SAP130: variants seen among roughly 807,000 people sequenced by gnomAD.
The protein encoded by SAP130 is Sin3A associated protein 130.
A neutral mutation model predicts 103.2 loss-of-function variants in SAP130; 16 were observed. The observed-to-expected ratio is 0.16, with a 90% CI of 0.10 to 0.24. The LOEUF (loss-of-function observed/expected upper bound fraction) is 0.24. Ranked by LOEUF, SAP130 falls within the 10% of genes least tolerant of loss-of-function variation. SAP130 has a pLI of 1.00. For missense variants in SAP130, 990 were observed against 1,359.7 expected, an observed-to-expected ratio of 0.73 and a Z score of 4.28; for synonymous variants, 477 against 497.0, an observed-to-expected ratio of 0.96 and a Z score of 0.53.
rs1175959535 is a variant in SAP130 at position 128,016,512 on chromosome 2, A to G, written c.384T>C (p.Ile128=). 6.2e-7 allele frequency: 1 copy of G among 1,613,872 alleles called. No individual in the cohort carries two copies. The highest frequency in any genetic ancestry group is 2.2e-5 in the East Asian group (1 of 44,868). The part of the protein sequence containing the change: ...PPKPTMPSRP[I]APAPPSTLSL... ...ACAGGGTAGAAGGTGGAGCAGGAGCAATGGGACGGCTAGGCATGGTGGGCT... is the reference window on the plus strand; with the variant it reads ...ACAGGGTAGAAGGTGGAGCAGGAGCGATGGGACGGCTAGGCATGGTGGGCT... Residue 128 remains isoleucine (I), a synonymous_variant, in exon 4 of 21, where the codon ATT becomes ATC. Coordinates refer to ENST00000643581, the MANE Select transcript of SAP130 (RefSeq NM_001330301.2).
At chr2:127,965,725 G>T (rs190351880) in intron 15 of SAP130, among the ~76,000 whole-genome samples, 1 of 151,954 alleles carries the variant, frequency 6.6e-6, no homozygotes, top group Admixed American at 6.6e-5. Flanking sequence ...GGGAGGTGAA[G>T]ATTACAGTGA....
At chr2:128,002,948 G>T (rs559230403) in intron 7 of SAP130, among the ~76,000 whole-genome samples, 1 of 152,062 alleles carries the variant, frequency 6.6e-6, no homozygotes, top group East Asian at 1.9e-4. Flanking sequence ...GCAACATGGC[G>T]AAATTCCACC....
chr2:127,950,432 A>G (rs773853729), intron 16 of SAP130, 24 bp from the exon 17 acceptor site: 33 of 1,611,880 alleles, frequency 2.0e-5, no homozygotes, highest in South Asian at 1.7e-4. Flanking sequence ...AGGAGCACAC[A>G]TATCTGTAAG....
chr2:127,945,500 G>C lies in SAP130; in HGVS notation c.2857C>G (p.Gln953Glu), dbSNP rs757742232. ...ANQKGVSCRA[Q>E]GWKVHLCAAQ... The stretch of plus-strand genomic sequence containing the variant: ...GCACAGAGGTGGACTTTCCAGCCTT[G>C]AGCACGACAGGATACTCCTTTCTGA... The change falls in exon 19 of 21, where the codon CAA becomes GAA. Residue 953 changes from glutamine to glutamate, a missense_variant. Physicochemically the swap from Gln to Glu is conservative, Grantham distance 29 (BLOSUM62 2). This residue lies in a region of SAP130 where 69 missense variants were observed against 165.7 expected (regional missense o/e 0.42). Transcript: ENST00000643581. 6.2e-7 allele frequency: 1 copy of C among 1,613,454 alleles called. No individual in the cohort carries two copies. The highest frequency in any genetic ancestry group is 8.5e-7 in the Non-Finnish European group (1 of 1,179,432).
rs541456294 is a variant in SAP130 at position 127,982,999 on chromosome 2, A to G, written c.1958+3786T>C. Among the ~76,000 whole-genome samples the G allele has an allele frequency of 2.0e-5, 3 of 152,306 alleles. No individual in the cohort carries two copies. The South Asian group carries it at 6.2e-4, about 32-fold the overall frequency. Reference sequence around the variant, plus strand: ...ACTGAGCTTATGTGCTAAGTGCCCAAACTGGTGGGGAGGGTGGAGGCAGGA... The same window carrying G: ...ACTGAGCTTATGTGCTAAGTGCCCAGACTGGTGGGGAGGGTGGAGGCAGGA... On this transcript the variant is annotated intron_variant, in intron 14 of 20. Coordinates refer to ENST00000643581, the MANE Select transcript of SAP130 (RefSeq NM_001330301.2).
At chr2:128,010,537 A>G in intron 6 of SAP130, 144 bp from the exon 7 acceptor site, 1 of 903,078 alleles carries the variant, frequency 1.1e-6, no homozygotes, top group Non-Finnish European at 1.6e-6. Flanking sequence ...CCAATTAAGG[A>G]ATTCTCTTTT....
chr2:128,021,426 G>A (rs7608406), intron 2 of SAP130, among the ~76,000 whole-genome samples: 4,069 of 139,110 alleles, frequency 0.029, 156 homozygotes, highest in South Asian at 0.16. Flanking sequence ...CAGCCTGGGC[G>A]ACAGAACAAG....
chr2:128,026,518 T>C (rs923949571), intron 1 of SAP130, among the ~76,000 whole-genome samples: 2 of 152,240 alleles, frequency 1.3e-5, no homozygotes, highest in African/African-American at 4.8e-5. Flanking sequence ...GCGGGTACTA[T>C]GACCCTCCAT....
chr2:127,942,450 GATC>G lies in SAP130; in HGVS notation c.2986_2988del (p.Asp996del). The G allele has an allele frequency of 6.2e-7, 1 of 1,613,272 alleles. No individual in the cohort carries two copies. Among genetic ancestry groups the G allele is most frequent in the Non-Finnish European group, 8.5e-7 (1 of 1,179,188 alleles). On this transcript the variant is annotated inframe_deletion, in exon 20 of 21. Transcript: ENST00000643581. The surrounding 1 kb of genome is among the most constrained non-coding windows in gnomAD (Gnocchi z 4.8). ...TGTATCAGTTCGTTTATTCGGTGGAGATCATCATCTGTTGCTGCTTTTTTCTTT... is the reference window on the plus strand; with the variant it reads ...TGTATCAGTTCGTTTATTCGGTGGAGATCATCTGTTGCTGCTTTTTTCTTT...
At chr2:128,007,806 C>A in intron 7 of SAP130, among the ~76,000 whole-genome samples, 1 of 152,184 alleles carries the variant, frequency 6.6e-6, no homozygotes, top group East Asian at 1.9e-4. Flanking sequence ...TCTAGTACCC[C>A]TGGATAGACA....
intron 15 of SAP130, among the ~76,000 whole-genome samples, chr2:127,970,792 A>G (rs1681029434): frequency 6.6e-6 from 1 of 152,106 alleles, no homozygotes; most frequent in Non-Finnish European, 1.5e-5. Context: ...CACATCTGCA[A>G]TGACCCTATT....
At chr2:127,978,705 C>T (rs1681649605) in intron 14 of SAP130, among the ~76,000 whole-genome samples, 1 of 152,164 alleles carries the variant, frequency 6.6e-6, no homozygotes, top group Non-Finnish European at 1.5e-5. Flanking sequence ...GTTTACAACA[C>T]ATAATCACTA....
intron 19 of SAP130, among the ~76,000 whole-genome samples, chr2:127,944,620 G>A (rs1358320435): frequency 2.0e-5 from 3 of 151,960 alleles, no homozygotes; most frequent in Non-Finnish European, 4.4e-5. Flanking sequence ...AGTAGAGACA[G>A]GGGTTTCACC....
chr2:128,027,277 C>G (rs1459561237), intron 1 of SAP130: 21 of 1,168,968 alleles, frequency 1.8e-5, no homozygotes, highest in Non-Finnish European at 2.1e-5. Flanking sequence ...CCGGCCGCCG[C>G]TGTGCTCGCA....
chr2:127,995,999 T>C (rs1683152638), intron 11 of SAP130, among the ~76,000 whole-genome samples: 3 of 152,140 alleles, frequency 2.0e-5, no homozygotes, highest in African/African-American at 2.4e-5. Flanking sequence ...TCCTTTCAGA[T>C]AGCTGTACCG....
At chr2:128,007,099 C>T (rs760745002) in intron 7 of SAP130, among the ~76,000 whole-genome samples, 23 of 152,228 alleles carry the variant, frequency 1.5e-4, no homozygotes, top group African/African-American at 5.1e-4. Flanking sequence ...TTTGACAAAA[C>T]GATTAAAAAT....
At chr2:128,008,667 A>C (rs1684156080) in intron 7 of SAP130, among the ~76,000 whole-genome samples, 1 of 149,228 alleles carries the variant, frequency 6.7e-6, no homozygotes, top group African/African-American at 2.5e-5. Context: ...CACTGCACCT[A>C]GCCTAAATCC....
At position 127,949,923 on chromosome 2, in the gene SAP130, G is replaced by T; in HGVS notation, c.2743C>A (p.Pro915Thr). The T allele has an allele frequency of 6.2e-7, 1 of 1,614,142 alleles. No individual in the cohort carries two copies. The highest frequency in any genetic ancestry group is 8.5e-7 in the Non-Finnish European group (1 of 1,180,020). Residue 915 changes from proline to threonine, a missense_variant, in exon 18 of 21, where the codon CCC becomes ACC. Physicochemically the swap from Pro to Thr is conservative, Grantham distance 38. Around this residue, in one of 6 missense-constraint regions of SAP130, gnomAD observed 61 missense variants for 73.8 expected, o/e 0.83. Transcript: ENST00000643581. ...PITLLRHYRN[P>T]WKAAYHHFQR... ...AAGTGGTGGTAAGCAGCTTTCCAGGGGTTCCGATAGTGACGAAGCAAAGTA... is the reference window on the plus strand; with the variant it reads ...AAGTGGTGGTAAGCAGCTTTCCAGGTGTTCCGATAGTGACGAAGCAAAGTA...
intron 2 of SAP130, among the ~76,000 whole-genome samples, chr2:128,025,857 G>A (rs769158419): frequency 6.6e-6 from 1 of 152,138 alleles, no homozygotes; most frequent in Non-Finnish European, 1.5e-5. Flanking sequence ...GACAAGATCT[G>A]TTCCTTAAAC....
Sources: allele counts gnomAD v4.1 joint callset (sites outside exome capture counted in the v4.1 genomes callset), GRCh38; gene constraint gnomAD v4.1.1; regional missense constraint gnomAD v4.1.1; non-coding constraint Gnocchi (gnomAD v3.1); transcripts MANE v1.5; gene names NCBI Gene and HGNC (gene_info 2026-07-23, HGNC 2026-07-21).